Variants in EML1 observed in about 807,000 individuals in gnomAD.
The protein encoded by EML1 is echinoderm microtubule-associated protein-like 1.
In EML1, 27 loss-of-function variants were observed where a neutral mutation model predicts 110.4. The ratio of observed to expected loss-of-function variants is 0.24; its 90% CI spans 0.18 to 0.34. The LOEUF is 0.34. Among genes scored for constraint, EML1 ranks in the 10% least tolerant of loss-of-function variants. The pLI is 1.00. For synonymous variants in EML1, 344 were observed against 385.8 expected, an observed-to-expected ratio of 0.89 and a Z score of 1.27; for missense variants, 741 against 1,030.9, an observed-to-expected ratio of 0.72 and a Z score of 3.85.
At chr14:99,908,507 C>T (rs1305755789) in intron 10 of EML1, among the ~76,000 whole-genome samples, 1 of 152,208 alleles carries the variant, frequency 6.6e-6, no homozygotes, top group East Asian at 1.9e-4. Flanking sequence ...TGTGTTCATT[C>T]CCTAGCCCCA....
At chr14:99,841,628 A>G (rs1165030691) in intron 1 of EML1, among the ~76,000 whole-genome samples, 1 of 152,204 alleles carries the variant, frequency 6.6e-6, no homozygotes, top group Non-Finnish European at 1.5e-5. Context: ...AAATGCCACA[A>G]AGTTGGAACG....
intron 1 of EML1, among the ~76,000 whole-genome samples, chr14:99,745,779 T>G (rs1314933460): frequency 6.6e-6 from 1 of 152,224 alleles, no homozygotes; most frequent in Non-Finnish European, 1.5e-5. Context: ...CAAGTGCTGG[T>G]GCTGGAGCAG....
intron 1 of EML1, among the ~76,000 whole-genome samples, chr14:99,740,044 C>A (rs1201339029): frequency 6.6e-6 from 1 of 152,178 alleles, no homozygotes; most frequent in Non-Finnish European, 1.5e-5. Context: ...ATGTAACACA[C>A]CTAAAATAAC....
intron 16 of EML1, among the ~76,000 whole-genome samples, chr14:99,918,394 C>CCA (rs2060070552): frequency 6.6e-6 from 1 of 152,220 alleles, no homozygotes; most frequent in African/African-American, 2.4e-5. Flanking sequence ...CCACACCCAG[C>CCA]CACACACACA....
intron 6 of EML1, 98 bp downstream of exon 6, chr14:99,894,856 C>G (rs1178899783): frequency 7.2e-7 from 1 of 1,397,706 alleles, no homozygotes; most frequent in Non-Finnish European, 9.4e-7. Context: ...TCCTCTTAAG[C>G]TTTTAAAAAA....
rs184156845 is a variant in EML1 at position 99,939,876 on chromosome 14, G to T, written c.2323-111G>T. 2.4e-5 allele frequency: 32 copies of T among 1,351,550 alleles called. No homozygotes were observed. The East Asian group carries it at 7.4e-4, about 31-fold the overall frequency. 83.7% of individuals were successfully genotyped at this position (1,351,550 alleles called of 1,614,324 possible). ...CAGGTTCCCAAGTGAGAGCTGCCGA[G>T]CGGAGGGCGAGTAAAGGAATTAAGG... On this transcript the variant is annotated intron_variant, in intron 21 of 21. Coordinates refer to ENST00000262233, the MANE Select transcript of EML1 (RefSeq NM_004434.3). The surrounding 1 kb of genome is among the most constrained non-coding windows in gnomAD (Gnocchi z 4.2).
intron 1 of EML1, among the ~76,000 whole-genome samples, chr14:99,763,707 C>T (rs1465522527): frequency 6.6e-6 from 1 of 152,142 alleles, no homozygotes; most frequent in Non-Finnish European, 1.5e-5. Flanking sequence ...CTATGCTGCA[C>T]GATGTTTCGA....
rs949651561 is a variant in EML1, at chr14:99,940,313, A to G, written c.*201A>G. 1 of 585,054 alleles carries G rather than the reference A, an allele frequency of 1.7e-6. No individual in the cohort carries two copies. The highest frequency in any genetic ancestry group is 2.6e-6 in the Non-Finnish European group (1 of 379,952). The allele number at this position is 585,054 out of a possible 1,614,324, so 36.2% of individuals were successfully genotyped here. ...TCCGTGTTCACTTTTGTTGTACAAT[A>G]TATGACACAGTGCACATTGAATACC... On this transcript the variant is annotated 3_prime_UTR_variant, in exon 22 of 22. Coordinates refer to ENST00000262233, the MANE Select transcript of EML1 (RefSeq NM_004434.3).
At chr14:99,880,298 T>A (rs1462972052) in intron 4 of EML1, among the ~76,000 whole-genome samples, 1 of 152,112 alleles carries the variant, frequency 6.6e-6, no homozygotes, top group African/African-American at 2.4e-5. Flanking sequence ...CAGGGACCCA[T>A]AGGAGTAAGA....
At chr14:99,748,617 C>T (rs1387916792) in intron 1 of EML1, among the ~76,000 whole-genome samples, 4 of 152,016 alleles carry the variant, frequency 2.6e-5, no homozygotes, top group Admixed American at 2.6e-4. Flanking sequence ...ATGATCGCTC[C>T]ACTGCACTCC....
intron 1 of EML1, among the ~76,000 whole-genome samples, chr14:99,803,638 A>G (rs535697070): frequency 6.6e-6 from 1 of 152,354 alleles, no homozygotes; most frequent in South Asian, 2.1e-4. Flanking sequence ...TGCAAAAAGC[A>G]TTTGGTGGTT....
chr14:99,852,081 T>C (rs2058818592), intron 2 of EML1, among the ~76,000 whole-genome samples: 1 of 152,246 alleles, frequency 6.6e-6, no homozygotes, highest in African/African-American at 2.4e-5. Flanking sequence ...ATGTTGTCAT[T>C]ATCTTCTTAG....
At chr14:99,796,287 T>G (rs989542023) in intron 1 of EML1, among the ~76,000 whole-genome samples, 1 of 151,830 alleles carries the variant, frequency 6.6e-6, no homozygotes, top group African/African-American at 2.4e-5. Context: ...ATGAATGAAA[T>G]TTCTGTCTTC....
chr14:99,850,767 T>C, intron 1 of EML1, 86 bp from the exon 2 acceptor site: 1 of 1,457,028 alleles, frequency 6.9e-7, no homozygotes, highest in Non-Finnish European at 9.4e-7. Flanking sequence ...AACAATGGGC[T>C]TAAAACAGCA....
At chr14:99,761,567 G>A (rs545328664) in intron 1 of EML1, among the ~76,000 whole-genome samples, 1 of 152,222 alleles carries the variant, frequency 6.6e-6, no homozygotes, top group Admixed American at 6.5e-5. Context: ...CCTGGGGTGA[G>A]CAGATGGTGT....
chr14:99,753,228 C>T (rs2057201009), intron 1 of EML1, among the ~76,000 whole-genome samples: 1 of 144,970 alleles, frequency 6.9e-6, no homozygotes, highest in South Asian at 2.3e-4. Context: ...CCCCACTGCC[C>T]CCGCACCTGC....
chr14:99,814,387 C>T (rs2058132276), intron 1 of EML1, among the ~76,000 whole-genome samples: 1 of 152,080 alleles, frequency 6.6e-6, no homozygotes, highest in Non-Finnish European at 1.5e-5. Context: ...GCAATCCTCA[C>T]AAGTAGCTAG....
rs747777799 is a variant in EML1, at chr14:99,849,529, G to GTA, written c.68-1316_68-1315dup. ...TTTGTGTGTGTGTGTGTGTGTGTGT[G>GTA]TATATATATTTATTTATTTATTTAT... On this transcript the variant is annotated intron_variant, in intron 1 of 21. Transcript: ENST00000262233. Among the ~76,000 whole-genome samples, 8 of 113,602 alleles carry GTA rather than the reference G, an allele frequency of 7.0e-5. No homozygotes were observed. In the East Asian group the frequency reaches 9.4e-4, roughly 13 times the overall value. The allele number at this position is 113,602 out of a possible 152,430, so 74.5% of individuals were successfully genotyped here. A position where few individuals can be genotyped will look rare whatever the true frequency, so the allele number is the denominator to read the frequency against.
At chr14:99,742,350 G>A (rs1361889990) in intron 1 of EML1, among the ~76,000 whole-genome samples, 1 of 152,232 alleles carries the variant, frequency 6.6e-6, no homozygotes, top group African/African-American at 2.4e-5. Flanking sequence ...CATCCCTTGG[G>A]GATAGGGAGC....
Sources: gnomAD v4.1 joint callset for allele counts (sites outside exome capture counted in the v4.1 genomes callset) on GRCh38, gnomAD v4.1.1 for gene constraint, Gnocchi (gnomAD v3.1) non-coding constraint, MANE v1.5 for transcripts, NCBI Gene and HGNC (gene_info 2026-07-23, HGNC 2026-07-21) for gene names.